The following PRKCE variants were observed in gnomAD, a reference collection of about 807,000 sequenced individuals.
The protein encoded by PRKCE is protein kinase C epsilon, also known as protein kinase C epsilon type.
A neutral mutation model predicts 85.4 loss-of-function variants in PRKCE; 16 were observed. That is an observed-to-expected ratio of 0.19 (90% CI 0.13 to 0.28). PRKCE has a LOEUF of 0.28. Ranked by LOEUF, PRKCE falls within the 10% of genes least tolerant of loss-of-function variation. The pLI, the probability that PRKCE is intolerant of heterozygous loss-of-function variation, is 1.00. For missense variants in PRKCE, 573 were observed against 975.2 expected, an observed-to-expected ratio of 0.59 and a Z score of 5.49; for synonymous variants, 388 against 371.5, an observed-to-expected ratio of 1.04 and a Z score of -0.51.
At chr2:46,133,202 C>T (rs771455310) in intron 11 of PRKCE, among the ~76,000 whole-genome samples, 5 of 152,188 alleles carry the variant, frequency 3.3e-5, no homozygotes, top group South Asian at 2.1e-4. Context: ...GCTCCAAGAA[C>T]GCCCCCAGAA....
intron 1 of PRKCE, among the ~76,000 whole-genome samples, chr2:45,782,510 A>G (rs933286417): frequency 2.0e-5 from 3 of 152,182 alleles, no homozygotes; most frequent in Non-Finnish European, 4.4e-5. Context: ...CACACGCGTC[A>G]TAAATGGTTG....
Position 45,907,857 on chromosome 2 carries a change from C to T in PRKCE, c.412+64794C>T, listed in dbSNP as rs1697098086. Among the ~76,000 whole-genome samples, 1 of 152,198 alleles carries T rather than the reference C, an allele frequency of 6.6e-6. No individual in the cohort carries two copies. The highest frequency in any genetic ancestry group is 6.5e-5 in the Admixed American group (1 of 15,288). ...CCATCCTCTGAGCTAATAATACTTG[C>T]CGAGTGCTGAGAACAGTGCCTGGTA... is the stretch of plus-strand genomic sequence containing the variant. On this transcript the variant is annotated intron_variant, in intron 2 of 14. Coordinates refer to ENST00000306156, the MANE Select transcript of PRKCE (RefSeq NM_005400.3). The surrounding 1 kb of genome is among the most constrained non-coding windows in gnomAD (Gnocchi z 4.5).
At chr2:45,795,058 TGAG>T (rs1687325736) in intron 1 of PRKCE, among the ~76,000 whole-genome samples, 1 of 152,178 alleles carries the variant, frequency 6.6e-6, no homozygotes, top group African/African-American at 2.4e-5. Context: ...CCCCACCTTC[TGAG>T]GAGGTGAGGC....
chr2:45,988,599 T>C (rs144811271), intron 6 of PRKCE, among the ~76,000 whole-genome samples: 1 of 152,132 alleles, frequency 6.6e-6, no homozygotes, highest in African/African-American at 2.4e-5. Flanking sequence ...GTAACTGAGA[T>C]CCTTAACCGA....
chr2:46,016,246 A>G (rs1283739937), intron 10 of PRKCE, among the ~76,000 whole-genome samples: 2 of 152,154 alleles, frequency 1.3e-5, no homozygotes. Flanking sequence ...CAAGACTTTT[A>G]TGGCAGGACC....
At chr2:45,657,210 C>T (rs1348671689) in intron 1 of PRKCE, among the ~76,000 whole-genome samples, 1 of 152,210 alleles carries the variant, frequency 6.6e-6, no homozygotes, top group Non-Finnish European at 1.5e-5. Flanking sequence ...GTAGAAGAGG[C>T]AGGCACTCAG....
intron 2 of PRKCE, among the ~76,000 whole-genome samples, chr2:45,942,988 T>C (rs1332359736): frequency 6.6e-6 from 1 of 152,200 alleles, no homozygotes; most frequent in Non-Finnish European, 1.5e-5. Context: ...CTTAATATAC[T>C]TTAGAAGTGT....
intron 2 of PRKCE, among the ~76,000 whole-genome samples, chr2:45,848,761 C>T (rs1692002285): frequency 6.6e-6 from 1 of 152,182 alleles, no homozygotes; most frequent in South Asian, 2.1e-4. Context: ...CAATTAGGCA[C>T]CCTAGACTTG....
chr2:45,916,690 A>G (rs1248514391), intron 2 of PRKCE, among the ~76,000 whole-genome samples: 2 of 152,210 alleles, frequency 1.3e-5, no homozygotes, highest in Non-Finnish European at 2.9e-5. Flanking sequence ...TTAAAAGAGC[A>G]TACAGTCTAA....
At chr2:45,838,597 T>A (rs1691088577) in intron 1 of PRKCE, among the ~76,000 whole-genome samples, 1 of 152,122 alleles carries the variant, frequency 6.6e-6, no homozygotes, top group Non-Finnish European at 1.5e-5. Context: ...TTACCTTGGA[T>A]TTTAAAGTAC....
At chr2:45,780,459 G>A (rs1269401257) in intron 1 of PRKCE, among the ~76,000 whole-genome samples, 1 of 152,206 alleles carries the variant, frequency 6.6e-6, no homozygotes, top group Non-Finnish European at 1.5e-5. Flanking sequence ...TGCTTGAGCA[G>A]AATTAGATTT....
chr2:45,760,550 A>T (rs1458204840), intron 1 of PRKCE, among the ~76,000 whole-genome samples: 1 of 152,224 alleles, frequency 6.6e-6, no homozygotes, highest in Non-Finnish European at 1.5e-5. Flanking sequence ...TGGAGGATTG[A>T]ACACCAAGGC....
At chr2:45,775,114 G>A (rs775717910) in intron 1 of PRKCE, among the ~76,000 whole-genome samples, 8 of 152,264 alleles carry the variant, frequency 5.3e-5, no homozygotes, top group Non-Finnish European at 1.0e-4. Flanking sequence ...GTCAGGTGTC[G>A]TGGCAGGCAC....
rs150401312 is a variant in PRKCE at position 45,891,004 on chromosome 2, A to C, written c.412+47941A>C. ...GTCGCTTGCTTTGTCTGCTCAGCAG[A>C]GCTGGAGGCTGTGTCGTCTGAGTAT... On this transcript the variant is annotated intron_variant, in intron 2 of 14. Transcript: ENST00000306156. Among the ~76,000 whole-genome samples the C allele has an allele frequency of 3.3e-3, 508 of 152,304 alleles. 3 individuals carry two copies. The highest frequency in any genetic ancestry group is 0.011 in the African/African-American group (449 of 41,568).
intron 1 of PRKCE, among the ~76,000 whole-genome samples, chr2:45,708,289 C>T (rs1044850018): frequency 2.0e-5 from 3 of 152,174 alleles, no homozygotes; most frequent in African/African-American, 4.8e-5. Flanking sequence ...AAGCCTACAT[C>T]GTGGGAAAAC....
At chr2:46,063,984 A>T (rs572528092) in intron 10 of PRKCE, among the ~76,000 whole-genome samples, 1 of 152,262 alleles carries the variant, frequency 6.6e-6, no homozygotes, top group Admixed American at 6.5e-5. Flanking sequence ...TTTACTGTCT[A>T]TGAAAATGGT....
At chr2:45,975,558 A>C (rs2104525456) in intron 2 of PRKCE, among the ~76,000 whole-genome samples, 1 of 152,286 alleles carries the variant, frequency 6.6e-6, no homozygotes, top group East Asian at 1.9e-4. Flanking sequence ...ATTACCTCCC[A>C]AAGGTCCCAT....
intron 1 of PRKCE, among the ~76,000 whole-genome samples, chr2:45,747,881 T>G (rs1040578957): frequency 6.6e-6 from 1 of 152,216 alleles, no homozygotes; most frequent in Non-Finnish European, 1.5e-5. Flanking sequence ...TCTTTTTTTT[T>G]TCTTTTTGGA....
At chr2:46,174,535 C>T (rs1679233571) in intron 14 of PRKCE, among the ~76,000 whole-genome samples, 1 of 152,106 alleles carries the variant, frequency 6.6e-6, no homozygotes, top group Non-Finnish European at 1.5e-5. Context: ...TCGGTGTCCC[C>T]GACAGGTGGC....
Sources: gnomAD v4.1 joint callset for allele counts (sites outside exome capture counted in the v4.1 genomes callset) on GRCh38, gnomAD v4.1.1 for gene constraint, Gnocchi (gnomAD v3.1) non-coding constraint, MANE v1.5 for transcripts, NCBI Gene and HGNC (gene_info 2026-07-23, HGNC 2026-07-21) for gene names.